Variants in MAGI2 observed in about 807,000 individuals in gnomAD.
The protein encoded by MAGI2 is membrane-associated guanylate kinase, WW and PDZ domain-containing protein 2.
In MAGI2, 35 loss-of-function variants were observed where a neutral mutation model predicts 133.3. The observed-to-expected ratio is 0.26, with a 90% confidence interval of 0.20 to 0.35. The LOEUF is 0.35. MAGI2 is among the 10% of genes least tolerant of loss of function. The pLI, the probability that MAGI2 is intolerant of heterozygous loss-of-function variation, is 1.00. For synonymous variants in MAGI2, 729 were observed against 710.6 expected, an observed-to-expected ratio of 1.03 and a Z score of -0.41; for missense variants, 1,636 against 1,863.4, an observed-to-expected ratio of 0.88 and a Z score of 2.25.
At chr7:78,891,520 C>T (rs1433669938) in intron 2 of MAGI2, among the ~76,000 whole-genome samples, 1 of 152,160 alleles carries the variant, frequency 6.6e-6, no homozygotes, top group Non-Finnish European at 1.5e-5. Flanking sequence ...CATCAAAAAG[C>T]TAATCCACCA....
At chr7:78,238,361 C>G (rs1211039794) in intron 10 of MAGI2, among the ~76,000 whole-genome samples, 1 of 152,034 alleles carries the variant, frequency 6.6e-6, no homozygotes, top group Non-Finnish European at 1.5e-5. Flanking sequence ...CTATCATAGT[C>G]ATTATATAAA....
intron 6 of MAGI2, among the ~76,000 whole-genome samples, chr7:78,398,254 G>T (rs1562941598): frequency 6.6e-6 from 1 of 152,172 alleles, no homozygotes; most frequent in Non-Finnish European, 1.5e-5. Flanking sequence ...TCTTATAAGA[G>T]AACAGCTGAA....
chr7:79,157,654 C>T (rs977212749), intron 1 of MAGI2, among the ~76,000 whole-genome samples: 5 of 151,724 alleles, frequency 3.3e-5, no homozygotes, highest in Admixed American at 6.6e-5. Context: ...TTTTATGGCA[C>T]ATCTCCTTGC....
At chr7:79,065,830 G>A (rs571620217) in intron 1 of MAGI2, among the ~76,000 whole-genome samples, 9 of 152,240 alleles carry the variant, frequency 5.9e-5, no homozygotes, top group South Asian at 2.1e-4. Context: ...CTCTTCTGGT[G>A]TTAGTTTGCT....
chr7:78,965,211 TAAC>T (rs905450444), intron 2 of MAGI2, among the ~76,000 whole-genome samples: 1 of 151,576 alleles, frequency 6.6e-6, no homozygotes, highest in Admixed American at 6.6e-5. Context: ...TTATTGTTAA[TAAC>T]AACATATATT....
rs1369123489 is a variant in MAGI2 at position 79,168,883 on chromosome 7, A to AAGAT, written c.302-161681_302-161678dup. 8.6e-3 allele frequency among the ~76,000 whole-genome samples: 847 copies of AAGAT among 97,974 alleles called. 12 individuals are homozygous for AAGAT. The highest frequency in any genetic ancestry group is 0.016 in the Admixed American group (141 of 8,612). 64.3% of individuals were successfully genotyped at this position (97,974 alleles called of 152,430 possible). ...AATGTCTGCCAGGTTTTTCTTTCTA[A>AAGAT]AGATAGATATATATATATATATATA... On this transcript the variant is annotated intron_variant, in intron 1 of 21. Transcript: ENST00000354212.
At chr7:78,314,471 A>C (rs927139217) in intron 9 of MAGI2, among the ~76,000 whole-genome samples, 3 of 152,170 alleles carry the variant, frequency 2.0e-5, no homozygotes, top group Admixed American at 6.5e-5. Flanking sequence ...TGACTGACTT[A>C]TAAGAGGGCA....
chr7:78,930,165 T>C (rs1054641388), intron 2 of MAGI2, among the ~76,000 whole-genome samples: 3 of 152,102 alleles, frequency 2.0e-5, no homozygotes, highest in African/African-American at 7.2e-5. Context: ...AAACCAAGCA[T>C]CAGTCTCCAA....
Position 79,151,288 on chromosome 7 carries a change from G to A in MAGI2, c.302-144082C>T, listed in dbSNP as rs564521185. 4.6e-5 allele frequency among the ~76,000 whole-genome samples: 7 copies of A among 152,130 alleles called. No homozygotes were observed. In the South Asian group the frequency reaches 8.3e-4, roughly 18 times the overall value. On this transcript the variant is annotated intron_variant, in intron 1 of 21. Transcript: ENST00000354212. ...AAATTGTTTTTGTAGCATACAAAAT[G>A]TGCTTTACAAAAAAATTAGTATTTA...
chr7:79,069,554 G>A (rs972527263), intron 1 of MAGI2, among the ~76,000 whole-genome samples: 1 of 151,756 alleles, frequency 6.6e-6, no homozygotes, highest in African/African-American at 2.4e-5. Flanking sequence ...TATCCAATTT[G>A]CCTGTCTGTG....
chr7:79,059,074 G>T (rs1049904812), intron 1 of MAGI2, among the ~76,000 whole-genome samples: 3 of 151,926 alleles, frequency 2.0e-5, no homozygotes, highest in Non-Finnish European at 2.9e-5. Context: ...TTAGGTTGGT[G>T]CATTACCTTT....
In MAGI2 at chr7:78,545,159, C is replaced by T. The variant is rs558098802; in HGVS notation, c.539-23514G>A. Among the ~76,000 whole-genome samples the T allele has an allele frequency of 3.3e-5, 5 of 149,986 alleles. No individual in the cohort carries two copies. The South Asian group carries it at 1.1e-3, about 32-fold the overall frequency. ...AAAGGAACTTGAAATTATAAGTCTT[C>T]AGCACCTTATACTAAATTGAGTCAT... On this transcript the variant is annotated intron_variant, in intron 3 of 21. Transcript: ENST00000354212.
intron 4 of MAGI2, chr7:78,518,235 T>G (rs1796202591): frequency 6.6e-6 from 1 of 152,192 alleles, no homozygotes; most frequent in Admixed American, 6.5e-5. Flanking sequence ...AACTAGAAAT[T>G]TATAATGCCA....
chr7:79,229,863 A>G (rs1042411869), intron 1 of MAGI2, among the ~76,000 whole-genome samples: 7 of 151,330 alleles, frequency 4.6e-5, no homozygotes, highest in Non-Finnish European at 1.0e-4. Flanking sequence ...TTACATATGT[A>G]TACATGTGCC....
intron 1 of MAGI2, among the ~76,000 whole-genome samples, chr7:79,341,207 T>C (rs1443041275): frequency 6.6e-6 from 1 of 152,168 alleles, no homozygotes; most frequent in Non-Finnish European, 1.5e-5. Context: ...TATTGGGCAG[T>C]AATACTCAGT....
At chr7:79,420,507 C>A (rs1846880056) in intron 1 of MAGI2, among the ~76,000 whole-genome samples, 1 of 151,900 alleles carries the variant, frequency 6.6e-6, no homozygotes, top group African/African-American at 2.4e-5. Context: ...CATTATTCAT[C>A]TCTTCTGTGA....
chr7:78,394,897 G>T (rs112239449), intron 6 of MAGI2, among the ~76,000 whole-genome samples: 1 of 152,136 alleles, frequency 6.6e-6, no homozygotes, highest in Admixed American at 6.6e-5. Flanking sequence ...TTCCATGGCC[G>T]CACTTTAGCT....
At chr7:78,858,375 T>C (rs1793843428) in intron 2 of MAGI2, among the ~76,000 whole-genome samples, 1 of 152,252 alleles carries the variant, frequency 6.6e-6, no homozygotes, top group African/African-American at 2.4e-5. Context: ...TCCTGCTTTC[T>C]CTTGTGGGCA....
chr7:79,114,773 A>G (rs1819247765), intron 1 of MAGI2, among the ~76,000 whole-genome samples: 1 of 152,164 alleles, frequency 6.6e-6, no homozygotes, highest in South Asian at 2.1e-4. Context: ...TGAGCTAAGT[A>G]ATTATTCTCA....
Sources: gnomAD v4.1 joint callset for allele counts (sites outside exome capture counted in the v4.1 genomes callset) on GRCh38, gnomAD v4.1.1 for gene constraint, MANE v1.5 for transcripts, NCBI Gene and HGNC (gene_info 2026-07-23, HGNC 2026-07-21) for gene names.